Variants in KCNQ5 observed in about 807,000 individuals in gnomAD.
The protein encoded by KCNQ5 is potassium voltage-gated channel subfamily KQT member 5.
KCNQ5 carries 30 observed loss-of-function variants against 98.2 expected under a neutral mutation model. The ratio of observed to expected loss-of-function variants is 0.31; its 90% CI spans 0.23 to 0.41. The LOEUF is 0.41. Ranked by LOEUF, KCNQ5 falls within the 10% of genes least tolerant of loss-of-function variation. The probability of loss-of-function intolerance (pLI) is 1.00; values close to 1 mark genes in which losing one functional copy is unlikely to be tolerated. For missense variants in KCNQ5, 835 were observed against 1,182.5 expected (o/e 0.71, Z 4.31); for synonymous variants, 458 against 449.4 (o/e 1.02, Z -0.24).
rs79687252 is a variant in KCNQ5 at position 72,949,359 on chromosome 6, G to A, written c.399-54549G>A. Among the ~76,000 whole-genome samples the A allele has an allele frequency of 3.3e-4, 50 of 152,300 alleles. 1 individual carries two copies. In the East Asian group the frequency reaches 9.3e-3, roughly 28 times the overall value. ...TTTCCCACCATGCTAAGTGGAGCAA[G>A]ATCCTTAGATCCACCATGTTGAAAC... is the stretch of plus-strand genomic sequence containing the variant. On this transcript the variant is annotated intron_variant, in intron 1 of 13. Transcript: ENST00000370398.
At chr6:73,089,087 T>C (rs764303526) in intron 5 of KCNQ5, among the ~76,000 whole-genome samples, 38 of 152,172 alleles carry the variant, frequency 2.5e-4, no homozygotes, top group Non-Finnish European at 4.3e-4. Context: ...ATCCCACCCA[T>C]AGGGCTTTCA....
At chr6:72,920,155 A>G (rs1780328814) in intron 1 of KCNQ5, among the ~76,000 whole-genome samples, 1 of 152,074 alleles carries the variant, frequency 6.6e-6, no homozygotes, top group Admixed American at 6.6e-5. Flanking sequence ...TACAAAAACT[A>G]GCCAAGCAGG....
chr6:72,675,572 C>T (rs1344457892), intron 1 of KCNQ5, among the ~76,000 whole-genome samples: 1 of 152,150 alleles, frequency 6.6e-6, no homozygotes, highest in Non-Finnish European at 1.5e-5. Flanking sequence ...TGAGATTAAC[C>T]ATCAGTAGTT....
chr6:72,943,731 G>A (rs569041034), intron 1 of KCNQ5, among the ~76,000 whole-genome samples: 28 of 152,316 alleles, frequency 1.8e-4, no homozygotes, highest in African/African-American at 5.1e-4. Flanking sequence ...GCGTGATCTT[G>A]AGGAAGTTAC....
intron 3 of KCNQ5, among the ~76,000 whole-genome samples, chr6:73,070,742 G>A (rs561223476): frequency 1.1e-4 from 16 of 152,198 alleles, no homozygotes; most frequent in East Asian, 5.8e-4. Context: ...ATTTCCATTC[G>A]TCTTCATTAA....
At chr6:73,138,349 T>C (rs1336223564) in intron 10 of KCNQ5, among the ~76,000 whole-genome samples, 1 of 152,184 alleles carries the variant, frequency 6.6e-6, no homozygotes, top group East Asian at 1.9e-4. Context: ...TCTTCGGATT[T>C]CTGGTGACTA....
At chr6:72,771,748 T>C (rs548776701) in intron 1 of KCNQ5, among the ~76,000 whole-genome samples, 8 of 151,928 alleles carry the variant, frequency 5.3e-5, no homozygotes, top group Middle Eastern at 3.4e-3. Context: ...GTAATGTTAT[T>C]TCTAAGTAGG....
At chr6:72,660,552 C>T (rs1040796513) in intron 1 of KCNQ5, among the ~76,000 whole-genome samples, 1 of 152,180 alleles carries the variant, frequency 6.6e-6, no homozygotes, top group Non-Finnish European at 1.5e-5. Flanking sequence ...TAGCAGTACA[C>T]TGAGTAAATA....
chr6:72,731,542 T>C (rs1282812916), intron 1 of KCNQ5, among the ~76,000 whole-genome samples: 1 of 152,194 alleles, frequency 6.6e-6, no homozygotes, highest in African/African-American at 2.4e-5. Context: ...CTATGTTTAG[T>C]GTGTGATCTC....
At chr6:72,666,127 A>G (rs909579472) in intron 1 of KCNQ5, among the ~76,000 whole-genome samples, 7 of 152,252 alleles carry the variant, frequency 4.6e-5, no homozygotes, top group Non-Finnish European at 1.0e-4. Context: ...GTAAGAGTAG[A>G]AGACGTCAAT....
chr6:72,632,369 C>A (rs1023096355), intron 1 of KCNQ5, among the ~76,000 whole-genome samples: 10 of 151,874 alleles, frequency 6.6e-5, no homozygotes, highest in African/African-American at 2.4e-4. Context: ...TCTCCATCTC[C>A]TGACCTCGTG....
Position 73,195,169 on chromosome 6 carries a change from A to G in KCNQ5, c.2554A>G (p.Ser852Gly). Residue 852 changes from serine to glycine, a missense_variant, in exon 14 of 14, where the codon AGT becomes GGT. By Grantham distance (56) the Ser-to-Gly change is moderately conservative. Coordinates refer to ENST00000370398, the MANE Select transcript of KCNQ5 (RefSeq NM_019842.4). ...TATACAACTTTCAGGGAGTGAGTCA[A>G]GTGGCTCCAGAGGCAGCCAAGATTT... is the stretch of plus-strand genomic sequence containing the variant. ...LNIQLSGSES[S>G]GSRGSQDFYP... The G allele has an allele frequency of 6.2e-7, 1 of 1,614,222 alleles. No homozygotes were observed. The highest frequency in any genetic ancestry group is 1.6e-4 in the Middle Eastern group (1 of 6,062).
chr6:73,051,705 C>CAAAAAAAAAAAAAAAAAAAAA (rs201199934), intron 3 of KCNQ5, among the ~76,000 whole-genome samples: 2 of 97,172 alleles, frequency 2.1e-5, no homozygotes, highest in African/African-American at 8.3e-5. Context: ...AAGATAGAGG[C>CAAAAAAAAAAAAAAAAAAAAA]AAAAAAAAAA....
At chr6:73,063,450 G>A (rs1309819245) in intron 3 of KCNQ5, among the ~76,000 whole-genome samples, 1 of 152,016 alleles carries the variant, frequency 6.6e-6, no homozygotes, top group Non-Finnish European at 1.5e-5. Context: ...TTTAAGCACA[G>A]ATAAGAGCAG....
chr6:73,000,543 AAACT>A (rs1482889908), intron 1 of KCNQ5, among the ~76,000 whole-genome samples: 1 of 152,110 alleles, frequency 6.6e-6, no homozygotes, highest in East Asian at 1.9e-4. Context: ...TGGATGTCTA[AAACT>A]GGATTTATCC....
At chr6:72,857,204 A>G (rs1777569608) in intron 1 of KCNQ5, among the ~76,000 whole-genome samples, 1 of 152,252 alleles carries the variant, frequency 6.6e-6, no homozygotes, top group Admixed American at 6.5e-5. Context: ...TTTCAAAGAA[A>G]TAAAGCACTT....
intron 1 of KCNQ5, among the ~76,000 whole-genome samples, chr6:72,758,501 A>T (rs2154476895): frequency 6.6e-6 from 1 of 152,240 alleles, no homozygotes; most frequent in African/African-American, 2.4e-5. Context: ...GAAGTGGGGG[A>T]TCAGGAGTAA....
chr6:73,130,279 G>A (rs1186453589), intron 9 of KCNQ5, among the ~76,000 whole-genome samples: 1 of 152,178 alleles, frequency 6.6e-6, no homozygotes. Flanking sequence ...TTATGATGAT[G>A]CCACACAGTT....
chr6:72,986,462 T>A, intron 1 of KCNQ5: 1 of 484,858 alleles, frequency 2.1e-6, no homozygotes, highest in Non-Finnish European at 3.7e-6. Context: ...TTTTAAACAA[T>A]GATGATTACT....
Sources: allele counts gnomAD v4.1 joint callset (sites outside exome capture counted in the v4.1 genomes callset), GRCh38; gene constraint gnomAD v4.1.1; transcripts MANE v1.5; gene names NCBI Gene and HGNC (gene_info 2026-07-23, HGNC 2026-07-21).